Variants in FGF13 observed in about 807,000 individuals in gnomAD.
FGF13 encodes fibroblast growth factor 13, also known as fibroblast growth factor homologous factor 2.
Under a neutral mutation model 19.5 loss-of-function variants are expected in FGF13, and 2 were observed. The ratio of observed to expected loss-of-function variants is 0.10; its 90% confidence interval spans 0.04 to 0.32. The LOEUF is 0.32. Among genes scored for constraint, FGF13 ranks in the 10% least tolerant of loss-of-function variants. FGF13 has a pLI of 1.00. For synonymous variants in FGF13, 72 were observed against 76.9 expected, an observed-to-expected ratio of 0.94 and a Z score of 0.33; for missense variants, 113 against 192.7, an observed-to-expected ratio of 0.59 and a Z score of 2.45.
intron 1 of FGF13, among the ~76,000 whole-genome samples, chrX:139,113,393 C>T (rs2083617407): frequency 8.9e-6 from 1 of 111,831 alleles, no homozygotes; most frequent in African/African-American, 3.3e-5. Context: ...CACCTGACAC[C>T]AAAGCCTATG....
chrX:139,076,513 T>A (rs2083333629), intron 1 of FGF13, among the ~76,000 whole-genome samples: 1 of 112,316 alleles, frequency 8.9e-6, no homozygotes, highest in Admixed American at 9.5e-5. Context: ...GAGATTAATT[T>A]GCTTTAAAGC....
At chrX:138,845,185 T>C (rs1406873568) in intron 3 of FGF13, among the ~76,000 whole-genome samples, 3 of 111,269 alleles carry the variant, frequency 2.7e-5, no homozygotes, top group Non-Finnish European at 5.7e-5. Flanking sequence ...TGTTTTTGAA[T>C]GCAACACAAT....
At chrX:139,038,696 C>T (rs1159370417) in intron 1 of FGF13, among the ~76,000 whole-genome samples, 1 of 111,624 alleles carries the variant, frequency 9.0e-6, no homozygotes, top group Non-Finnish European at 1.9e-5. Flanking sequence ...TAACGAAGTC[C>T]TCTCTTCTGA....
At chrX:138,831,102 G>A (rs1343590687) in intron 3 of FGF13, among the ~76,000 whole-genome samples, 1 of 111,505 alleles carries the variant, frequency 9.0e-6, no homozygotes, top group African/African-American at 3.3e-5. Context: ...GCTCCAGAAC[G>A]TACAAGCCAT....
At chrX:139,141,059 A>AGAT (rs1354040157) in intron 1 of FGF13, among the ~76,000 whole-genome samples, 1 of 100,539 alleles carries the variant, frequency 9.9e-6, no homozygotes, top group Non-Finnish European at 2.0e-5. Flanking sequence ...ATAGATAGAT[A>AGAT]GATAGATAGA....
chrX:139,064,281 CTTTTTTTTTTTTTT>C (rs139084376), intron 1 of FGF13, among the ~76,000 whole-genome samples: 1 of 23,159 alleles, frequency 4.3e-5, no homozygotes, highest in Non-Finnish European at 6.7e-5. Context: ...CTTTTTTTTT[CTTTTTTTTTTTTTT>C]TTTTTTTTTT....
chrX:138,647,434 C>A (rs1016850585), intron 3 of FGF13, among the ~76,000 whole-genome samples: 2 of 111,195 alleles, frequency 1.8e-5, no homozygotes, highest in Non-Finnish European at 3.8e-5. Flanking sequence ...GACTAAACTG[C>A]CATCGCCTGT....
At chrX:139,077,498 C>T (rs2083340540) in intron 1 of FGF13, among the ~76,000 whole-genome samples, 1 of 111,464 alleles carries the variant, frequency 9.0e-6, no homozygotes, top group South Asian at 3.7e-4. Flanking sequence ...GATTCATGAT[C>T]TCTGGGTCCT....
chrX:139,032,402 A>G, intron 1 of FGF13, among the ~76,000 whole-genome samples: 1 of 111,449 alleles, frequency 9.0e-6, no homozygotes, highest in South Asian at 3.8e-4. Context: ...TTTGAAGCAC[A>G]GTTTGAAAAC....
intron 3 of FGF13, among the ~76,000 whole-genome samples, chrX:138,768,973 T>C (rs1387768370): frequency 9.1e-6 from 1 of 109,530 alleles, no homozygotes; most frequent in Non-Finnish European, 1.9e-5. Flanking sequence ...TCTGGGGGTG[T>C]CTAATTGTGT....
intron 1 of FGF13, among the ~76,000 whole-genome samples, chrX:139,111,719 A>G (rs1402600573): frequency 3.6e-5 from 4 of 112,028 alleles, no homozygotes; most frequent in Non-Finnish European, 7.5e-5. Context: ...GAAAGTTTAC[A>G]TAAGAGAAAC....
intron 3 of FGF13, among the ~76,000 whole-genome samples, chrX:138,797,786 T>C (rs1602869567): frequency 8.9e-6 from 1 of 111,747 alleles, no homozygotes; most frequent in South Asian, 3.8e-4. Context: ...ATGTACCTTG[T>C]AAGTTTTATT....
chrX:138,779,118 G>A (rs1303618053), intron 3 of FGF13, among the ~76,000 whole-genome samples: 1 of 111,093 alleles, frequency 9.0e-6, no homozygotes, highest in Non-Finnish European at 1.9e-5. Context: ...TCTGTTAGAA[G>A]GAAAACTAAC....
chrX:138,671,423 T>C (rs2089610532), intron 3 of FGF13, among the ~76,000 whole-genome samples: 1 of 112,056 alleles, frequency 8.9e-6, no homozygotes, highest in Non-Finnish European at 1.9e-5. Context: ...TGGATATTTA[T>C]CCATTACATT....
chrX:138,626,843 T>C lies in FGF13; in HGVS notation c.*6007A>G, dbSNP rs1406403513. The C allele has an allele frequency of 2.7e-5, 3 of 112,040 alleles. No individual in the cohort carries two copies. In the East Asian group the frequency reaches 8.4e-4, roughly 31 times the overall value. 9.2% of individuals were successfully genotyped at this position (112,040 alleles called of 1,213,427 possible). ...TATTTTGAAACGTTCTTAAGACCCATGAAAGTCAAATATTGTTCAAGCTGT... is the reference window on the plus strand; with the variant it reads ...TATTTTGAAACGTTCTTAAGACCCACGAAAGTCAAATATTGTTCAAGCTGT... On this transcript the variant is annotated 3_prime_UTR_variant, in exon 5 of 5. Coordinates refer to ENST00000315930, the MANE Select transcript of FGF13 (RefSeq NM_004114.5).
intron 3 of FGF13, among the ~76,000 whole-genome samples, chrX:138,673,265 G>C (rs1208150373): frequency 1.8e-5 from 2 of 111,326 alleles, no homozygotes; most frequent in Non-Finnish European, 3.8e-5. Flanking sequence ...TGTGTTTAGG[G>C]GATACCAGCC....
intron 1 of FGF13, among the ~76,000 whole-genome samples, chrX:139,111,874 A>G (rs1372687685): frequency 8.9e-6 from 1 of 112,233 alleles, no homozygotes; most frequent in African/African-American, 3.2e-5. Context: ...GTTTTTGCCT[A>G]ATAGATTAAA....
At chrX:138,706,640 C>A (rs1214359869) in intron 2 of FGF13, among the ~76,000 whole-genome samples, 3 of 111,111 alleles carry the variant, frequency 2.7e-5, no homozygotes, top group Non-Finnish European at 5.7e-5. Flanking sequence ...TTGAAAAAAA[C>A]AACTTGTATT....
chrX:139,036,370 G>A (rs1009637127), intron 1 of FGF13, among the ~76,000 whole-genome samples: 2 of 111,198 alleles, frequency 1.8e-5, no homozygotes, highest in African/African-American at 3.3e-5. Flanking sequence ...GAGTTTCTAC[G>A]TTTCTACTTC....
Sources: allele counts gnomAD v4.1 joint callset (sites outside exome capture counted in the v4.1 genomes callset), GRCh38; gene constraint gnomAD v4.1.1; transcripts MANE v1.5; gene names NCBI Gene and HGNC (gene_info 2026-07-23, HGNC 2026-07-21).